The following TENM2 variants were observed in gnomAD, a reference collection of about 807,000 sequenced individuals.
TENM2 encodes the protein teneurin transmembrane protein 2.
Under a neutral mutation model 245.2 loss-of-function variants are expected in TENM2, and 52 were observed. That is an observed-to-expected ratio of 0.21 (90% CI 0.17 to 0.27). The LOEUF is 0.27. Among genes scored for constraint, TENM2 ranks in the 10% least tolerant of loss-of-function variants. TENM2 has a pLI of 1.00. For synonymous variants in TENM2, 1,363 were observed against 1,438.9 expected (o/e 0.95, Z 1.19); for missense variants, 3,046 against 3,666.8 (o/e 0.83, Z 4.37).
At chr5:167,593,722 G>A (rs1418121283) in intron 2 of TENM2, among the ~76,000 whole-genome samples, 1 of 152,206 alleles carries the variant, frequency 6.6e-6, no homozygotes, top group Non-Finnish European at 1.5e-5. Context: ...TCTGTCCACT[G>A]TGTTAATAGA....
At chr5:167,551,418 T>A (rs1205598784) in intron 2 of TENM2, among the ~76,000 whole-genome samples, 1 of 152,066 alleles carries the variant, frequency 6.6e-6, no homozygotes, top group African/African-American at 2.4e-5. Flanking sequence ...TGCCCGCTCA[T>A]CTATCTATCT....
At chr5:168,059,388 G>C (rs1789837593) in intron 6 of TENM2, among the ~76,000 whole-genome samples, 1 of 152,134 alleles carries the variant, frequency 6.6e-6, no homozygotes, top group Admixed American at 6.5e-5. Flanking sequence ...CATTAACCCA[G>C]CAATGCCGGA....
chr5:167,083,042 G>C, the TENM2 span, among the ~76,000 whole-genome samples: 26 of 152,022 alleles, frequency 1.7e-4, no homozygotes, highest in Non-Finnish European at 3.4e-4. Context: ...AAACTCTAGG[G>C]AGCAACCACT....
Position 167,954,484 on chromosome 5 carries a change from T to C in TENM2, c.947+1662T>C, listed in dbSNP as rs111865608. 9.6e-3 allele frequency among the ~76,000 whole-genome samples: 1,464 copies of C among 152,334 alleles called. 25 individuals carry two copies. Among genetic ancestry groups the C allele is most frequent in the African/African-American group, 0.033 (1,386 of 41,572 alleles). On this transcript the variant is annotated intron_variant, in intron 4 of 28. Transcript: ENST00000518659. ...TATTATGCTTTTTTAAAATTTATTATAGTTTAAGTTCTGGGATACATGTGC... is the reference window on the plus strand; with the variant it reads ...TATTATGCTTTTTTAAAATTTATTACAGTTTAAGTTCTGGGATACATGTGC...
chr5:167,586,670 G>A (rs921585689), intron 2 of TENM2, among the ~76,000 whole-genome samples: 2 of 151,872 alleles, frequency 1.3e-5, no homozygotes, highest in Admixed American at 1.3e-4. Context: ...AGGGAAAGAG[G>A]TAATTTAAAA....
In TENM2 at chr5:168,162,608, C is replaced by A; in HGVS notation, c.2423-3C>A. ...TTCTCATCCTCTCCATTTCTCCAACCAGATGGCTGCCCTGACTTGTGCAAC... is the reference window on the plus strand; with the variant it reads ...TTCTCATCCTCTCCATTTCTCCAACAAGATGGCTGCCCTGACTTGTGCAAC... On this transcript the variant is annotated splice_region_variant and splice_polypyrimidine_tract_variant and intron_variant, in intron 12 of 28. Coordinates refer to ENST00000518659, the Ensembl canonical transcript of TENM2. The A allele has an allele frequency of 1.2e-6, 2 of 1,613,406 alleles. No individual in the cohort carries two copies. The highest frequency in any genetic ancestry group is 2.2e-5 in the South Asian group (2 of 91,032).
intron 13 of TENM2, among the ~76,000 whole-genome samples, chr5:168,172,489 C>A (rs1341209424): frequency 6.6e-6 from 1 of 152,210 alleles, no homozygotes; most frequent in East Asian, 1.9e-4. Flanking sequence ...AAACTAGGAG[C>A]CAGAGAGAAC....
chr5:167,737,030 G>A (rs1365181943), intron 2 of TENM2, among the ~76,000 whole-genome samples: 2 of 152,180 alleles, frequency 1.3e-5, no homozygotes, highest in Non-Finnish European at 1.5e-5. Flanking sequence ...GGCCATAGAA[G>A]CAGTCCGCCT....
At chr5:168,109,721 G>T (rs1459059642) in intron 9 of TENM2, among the ~76,000 whole-genome samples, 2 of 152,182 alleles carry the variant, frequency 1.3e-5, no homozygotes, top group Admixed American at 6.5e-5. Context: ...GCACATTCAA[G>T]TTTGAGTCTA....
intron 2 of TENM2, among the ~76,000 whole-genome samples, chr5:167,551,597 C>T (rs1321368101): frequency 6.6e-6 from 1 of 152,122 alleles, no homozygotes; most frequent in Non-Finnish European, 1.5e-5. Flanking sequence ...GATATATACA[C>T]ACACATACAT....
chr5:168,039,516 GT>G (rs1444261168), intron 5 of TENM2, among the ~76,000 whole-genome samples: 2 of 152,044 alleles, frequency 1.3e-5, no homozygotes, highest in Non-Finnish European at 2.9e-5. Flanking sequence ...GATCACATGG[GT>G]CCTTTCTTGG....
At chr5:167,239,196 G>A in the TENM2 span, among the ~76,000 whole-genome samples, 5 of 152,188 alleles carry the variant, frequency 3.3e-5, no homozygotes, top group African/African-American at 4.8e-5. Context: ...AATGTCGAAT[G>A]TCATGGCTAA....
At chr5:167,342,154 T>C (rs1423145609) in intron 1 of TENM2, among the ~76,000 whole-genome samples, 1 of 152,160 alleles carries the variant, frequency 6.6e-6, no homozygotes, top group Non-Finnish European at 1.5e-5. Context: ...ACAGATTTCC[T>C]CAATTTTTCT....
chr5:167,071,036 C>A, the TENM2 span, among the ~76,000 whole-genome samples: 1 of 152,090 alleles, frequency 6.6e-6, no homozygotes, highest in Non-Finnish European at 1.5e-5. Context: ...CACACAGGTC[C>A]CAGATGAAGT....
chr5:168,100,785 A>G (rs1422633189), intron 9 of TENM2, among the ~76,000 whole-genome samples: 1 of 152,144 alleles, frequency 6.6e-6, no homozygotes, highest in African/African-American at 2.4e-5. Flanking sequence ...CCTAATGTAG[A>G]TGATGGGTTG....
chr5:167,431,460 A>G (rs1764217826), intron 2 of TENM2, among the ~76,000 whole-genome samples: 1 of 152,156 alleles, frequency 6.6e-6, no homozygotes, highest in Non-Finnish European at 1.5e-5. Context: ...AAAGTGAAGA[A>G]AATTATTTTA....
At chr5:167,487,796 C>A (rs1768172027) in intron 2 of TENM2, among the ~76,000 whole-genome samples, 1 of 152,170 alleles carries the variant, frequency 6.6e-6, no homozygotes, top group Non-Finnish European at 1.5e-5. Context: ...TGGAATACTG[C>A]TCCCAAGTCT....
At chr5:167,757,925 G>A (rs148594194) in intron 2 of TENM2, among the ~76,000 whole-genome samples, 39 of 152,296 alleles carry the variant, frequency 2.6e-4, no homozygotes, top group Admixed American at 6.5e-5. Context: ...ATATTCTGAA[G>A]TCTTTTTCTT....
At chr5:167,164,854 A>C in the TENM2 span, 2 of 152,188 alleles carry the variant, frequency 1.3e-5, no homozygotes, top group Non-Finnish European at 2.9e-5. Flanking sequence ...GAATATCTTG[A>C]TGGCAGTCTT....
Sources: allele counts gnomAD v4.1 joint callset (sites outside exome capture counted in the v4.1 genomes callset), GRCh38; gene constraint gnomAD v4.1.1; transcripts MANE v1.5; gene names NCBI Gene and HGNC (gene_info 2026-07-23, HGNC 2026-07-21).